ALPK2: variants seen among roughly 807,000 people sequenced by gnomAD.
ALPK2 encodes alpha kinase 2.
Under a neutral mutation model 163.1 loss-of-function variants are expected in ALPK2, and 127 were observed. The observed-to-expected ratio is 0.78, with a 90% CI of 0.67 to 0.90. The LOEUF (loss-of-function observed/expected upper bound fraction) is 0.90, where lower values mean the gene tolerates loss of function less well. Among genes scored for constraint, ALPK2 ranks in the 40% least tolerant of loss-of-function variants. ALPK2 has a pLI of 0.00. For synonymous variants in ALPK2, 953 were observed against 959.1 expected (o/e 0.99, Z 0.12); for missense variants, 2,360 against 2,589.6 (o/e 0.91, Z 1.92).
intron 4 of ALPK2, among the ~76,000 whole-genome samples, chr18:58,568,376 G>A (rs913722404): frequency 1.3e-5 from 2 of 152,200 alleles, no homozygotes; most frequent in African/African-American, 2.4e-5. Context: ...ATCACAAGCT[G>A]TATAGCCTTT....
At chr18:58,488,704 G>A (rs1482863211) in intron 12 of ALPK2, among the ~76,000 whole-genome samples, 4 of 151,822 alleles carry the variant, frequency 2.6e-5, no homozygotes, top group East Asian at 1.9e-4. Context: ...AAGTTTTAAC[G>A]CATAGGGAAA....
At chr18:58,547,631 GC>G (rs2051724666) in intron 4 of ALPK2, among the ~76,000 whole-genome samples, 1 of 152,252 alleles carries the variant, frequency 6.6e-6, no homozygotes. Flanking sequence ...AACCTTGTTA[GC>G]CCTTTGTAAG....
chr18:58,587,225 G>A (rs1483185746), intron 3 of ALPK2, among the ~76,000 whole-genome samples: 1 of 152,016 alleles, frequency 6.6e-6, no homozygotes, highest in African/African-American at 2.4e-5. Flanking sequence ...GAAACTTCAG[G>A]GGTCACAGAC....
chr18:58,504,960 G>GGA (rs1019599014), intron 10 of ALPK2, among the ~76,000 whole-genome samples: 7 of 152,132 alleles, frequency 4.6e-5, no homozygotes, highest in African/African-American at 1.7e-4. Context: ...GGGAGTGCAG[G>GGA]GAGCCAGGGA....
intron 8 of ALPK2, among the ~76,000 whole-genome samples, chr18:58,521,627 C>CTCTTTTTTTT (rs59358600): frequency 9.0e-5 from 5 of 55,376 alleles, no homozygotes; most frequent in Admixed American, 2.5e-4. Flanking sequence ...TTCTCTCTCT[C>CTCTTTTTTTT]TTTTTTTTTT....
chr18:58,494,045 TGAGTTTGCAGTTC>T (rs1347261472), intron 12 of ALPK2, among the ~76,000 whole-genome samples: 1 of 152,128 alleles, frequency 6.6e-6, no homozygotes, highest in African/African-American at 2.4e-5. Context: ...GAGAGAAGCA[TGAGTTTGCAGTTC>T]GGCTCCACTG....
chr18:58,570,143 A>G (rs1602223062), intron 4 of ALPK2, among the ~76,000 whole-genome samples: 2 of 152,038 alleles, frequency 1.3e-5, no homozygotes, highest in South Asian at 4.2e-4. Context: ...AAAAAAAAAA[A>G]AAAGAAAAGA....
chr18:58,581,337 A>T (rs1602228215), intron 3 of ALPK2, among the ~76,000 whole-genome samples: 1 of 152,234 alleles, frequency 6.6e-6, no homozygotes, highest in Admixed American at 6.5e-5. Context: ...AGGACTACGT[A>T]TATGAAGGAC....
chr18:58,608,576 C>T (rs906454904), intron 2 of ALPK2, among the ~76,000 whole-genome samples: 4 of 152,198 alleles, frequency 2.6e-5, no homozygotes, highest in South Asian at 4.1e-4. Context: ...CTTAATCTGT[C>T]TTAGGAACGT....
At chr18:58,502,134 C>CACACA (rs2051434621) in intron 11 of ALPK2, among the ~76,000 whole-genome samples, 117 of 118,830 alleles carry the variant, frequency 9.8e-4, no homozygotes, top group Middle Eastern at 4.2e-3. Context: ...AACCCCATCT[C>CACACA]CACACACACA....
chr18:58,521,997 G>A (rs4940400), intron 8 of ALPK2, among the ~76,000 whole-genome samples: 85,884 of 151,944 alleles, frequency 0.57, 25,346 homozygotes, highest in Non-Finnish European at 0.67. Flanking sequence ...ACTGCATTTT[G>A]ATTACTTTTA....
At chr18:58,574,559 G>A (rs975998275) in intron 4 of ALPK2, among the ~76,000 whole-genome samples, 2 of 152,070 alleles carry the variant, frequency 1.3e-5, no homozygotes, top group Non-Finnish European at 2.9e-5. Flanking sequence ...CGCAGCAGGA[G>A]GTGGGTGGCA....
chr18:58,539,250 A>G (rs906557166), intron 4 of ALPK2, among the ~76,000 whole-genome samples: 3 of 152,198 alleles, frequency 2.0e-5, no homozygotes, highest in African/African-American at 7.2e-5. Context: ...AATGTATCCC[A>G]GACTTTAAAA....
At position 58,498,478 on chromosome 18, in the gene ALPK2, G is replaced by A. The variant is rs557232313; in HGVS notation, c.6248-381C>T. 3.3e-5 allele frequency among the ~76,000 whole-genome samples: 5 copies of A among 152,296 alleles called. No homozygotes were observed. In the South Asian group the frequency reaches 6.2e-4, roughly 19 times the overall value. ...GACTTTGGCTTAGGTCTGGCTCCCC[G>A]TTCTTCAATGAAAGTGGAAACCCTT... On this transcript the variant is annotated intron_variant, in intron 11 of 12. Transcript: ENST00000361673.
intron 4 of ALPK2, among the ~76,000 whole-genome samples, chr18:58,561,472 C>A (rs547396781): frequency 6.6e-6 from 1 of 152,054 alleles, no homozygotes; most frequent in South Asian, 2.1e-4. Context: ...TTAAAGATCC[C>A]GCCCCCAAAA....
intron 4 of ALPK2, among the ~76,000 whole-genome samples, chr18:58,550,038 G>C (rs1452811715): frequency 1.3e-5 from 2 of 152,144 alleles, no homozygotes; most frequent in South Asian, 2.1e-4. Context: ...GTGTCCACTT[G>C]TCCACACCCT....
intron 4 of ALPK2, among the ~76,000 whole-genome samples, chr18:58,550,922 C>T (rs2051756085): frequency 6.7e-6 from 1 of 148,176 alleles, no homozygotes; most frequent in Admixed American, 6.6e-5. Flanking sequence ...AACCCCATCC[C>T]CACCTCCATT....
intron 3 of ALPK2, among the ~76,000 whole-genome samples, chr18:58,593,401 TA>T: frequency 6.7e-6 from 1 of 148,524 alleles, no homozygotes; most frequent in Admixed American, 6.7e-5. Context: ...CCATCTCTAC[TA>T]AAAATACAAA....
Position 58,595,144 on chromosome 18 carries a change from C to T in ALPK2, c.227+12178G>A, listed in dbSNP as rs111812321. Among the ~76,000 whole-genome samples, 1,071 of 152,306 alleles carry T rather than the reference C, an allele frequency of 7.0e-3. 17 individuals carry two copies. Among genetic ancestry groups the T allele is most frequent in the African/African-American group, 0.024 (1,015 of 41,552 alleles). On this transcript the variant is annotated intron_variant, in intron 3 of 12. Coordinates refer to ENST00000361673, the MANE Select transcript of ALPK2 (RefSeq NM_052947.4). ...CCCAGGTAATAACCACATCACCTCC[C>T]GCTCTGTACTTTCACCCCTGTGCTC...
Sources: allele counts gnomAD v4.1 joint callset (sites outside exome capture counted in the v4.1 genomes callset), GRCh38; gene constraint gnomAD v4.1.1; transcripts MANE v1.5; gene names NCBI Gene and HGNC (gene_info 2026-07-23, HGNC 2026-07-21).